Variants in AGTPBP1 observed in about 807,000 individuals in gnomAD.
The protein encoded by AGTPBP1 is ATP/GTP binding carboxypeptidase 1.
Under a neutral mutation model 143.9 loss-of-function variants are expected in AGTPBP1, and 70 were observed. That is an observed-to-expected ratio of 0.49 (90% CI 0.40 to 0.59). AGTPBP1 has a LOEUF of 0.59. Ranked by LOEUF, AGTPBP1 falls within the 20% of genes least tolerant of loss-of-function variation. The pLI is 0.00. For synonymous variants in AGTPBP1, 463 were observed against 500.2 expected (o/e 0.93, Z 0.99); for missense variants, 1,229 against 1,464.5 (o/e 0.84, Z 2.62).
chr9:85,670,409 T>G (rs1834411585), intron 7 of AGTPBP1, among the ~76,000 whole-genome samples: 1 of 152,132 alleles, frequency 6.6e-6, no homozygotes, highest in South Asian at 2.1e-4. Context: ...AAAGACACAT[T>G]AGGAGGCTAT....
intron 25 of AGTPBP1, among the ~76,000 whole-genome samples, chr9:85,554,512 G>A (rs762146994): frequency 2.0e-5 from 3 of 152,184 alleles, no homozygotes; most frequent in Non-Finnish European, 4.4e-5. Context: ...AGCTTACAAA[G>A]CCAGGAGGAG....
intron 3 of AGTPBP1, among the ~76,000 whole-genome samples, chr9:85,686,757 A>C (rs528106871): frequency 1.3e-5 from 2 of 152,198 alleles, no homozygotes; most frequent in Non-Finnish European, 2.9e-5. Flanking sequence ...CACTGTAAAA[A>C]GATGCACATT....
At chr9:85,694,293 T>C (rs1035294102) in intron 2 of AGTPBP1, among the ~76,000 whole-genome samples, 4 of 152,188 alleles carry the variant, frequency 2.6e-5, no homozygotes, top group Non-Finnish European at 2.9e-5. Flanking sequence ...ATACTTTCTC[T>C]GATCCCTCAT....
intron 17 of AGTPBP1, among the ~76,000 whole-genome samples, chr9:85,603,117 G>A (rs1286235501): frequency 6.6e-6 from 1 of 152,182 alleles, no homozygotes; most frequent in Non-Finnish European, 1.5e-5. Context: ...AAGTCCTGGT[G>A]CTATGCTGGG....
chr9:85,609,101 G>T (rs1040685484), intron 17 of AGTPBP1, among the ~76,000 whole-genome samples: 1 of 152,108 alleles, frequency 6.6e-6, no homozygotes, highest in African/African-American at 2.4e-5. Flanking sequence ...TAATCTCATG[G>T]AGTGTATGTG....
chr9:85,754,050 G>A, the AGTPBP1 span, among the ~76,000 whole-genome samples: 3 of 152,088 alleles, frequency 2.0e-5, no homozygotes, highest in South Asian at 6.2e-4. Flanking sequence ...CCAGAAATGT[G>A]CTGTATTTTT....
At position 85,550,194 on chromosome 9, in the gene AGTPBP1, T is replaced by TGA. The variant is rs761030919; in HGVS notation, c.3504-2910_3504-2909dup. On this transcript the variant is annotated intron_variant, in intron 25 of 25. Coordinates refer to ENST00000357081, the MANE Select transcript of AGTPBP1 (RefSeq NM_001330701.2). ...AAGAGTTTGTGAGTGTGTGTGTGTG[T>TGA]GAGAGAGAGAGAGAGAGAGAGAGAA... Among the ~76,000 whole-genome samples, 300 of 129,266 alleles carry TGA rather than the reference T, an allele frequency of 2.3e-3. 5 individuals carry two copies. The highest frequency in any genetic ancestry group is 0.017 in the South Asian group (65 of 3,746). The allele number at this position is 129,266 out of a possible 152,430, so 84.8% of individuals were successfully genotyped here. A position where few individuals can be genotyped will look rare whatever the true frequency, so the allele number is the denominator to read the frequency against.
the AGTPBP1 span, among the ~76,000 whole-genome samples, chr9:85,802,380 T>C: frequency 1.3e-5 from 2 of 152,152 alleles, no homozygotes; most frequent in Non-Finnish European, 2.9e-5. Context: ...TCAGTCCTGG[T>C]TACTGCCAAA....
At position 85,571,287 on chromosome 9, in the gene AGTPBP1, C is replaced by T. The variant is rs576627371; in HGVS notation, c.3503+4028G>A. Among the ~76,000 whole-genome samples the T allele has an allele frequency of 3.0e-4, 46 of 152,214 alleles. 1 individual carries two copies. In the Middle Eastern group the frequency reaches 0.01, roughly 34 times the overall value. ...TTGAAGAAATGATTGATGATTCCAACCCTGAGATAAAGAACATGCAGTGAT... is the reference window on the plus strand; with the variant it reads ...TTGAAGAAATGATTGATGATTCCAATCCTGAGATAAAGAACATGCAGTGAT... On this transcript the variant is annotated intron_variant, in intron 25 of 25. Coordinates refer to ENST00000357081, the MANE Select transcript of AGTPBP1 (RefSeq NM_001330701.2).
chr9:85,713,455 C>A (rs187638606), intron 1 of AGTPBP1, among the ~76,000 whole-genome samples: 72 of 152,184 alleles, frequency 4.7e-4, no homozygotes, highest in African/African-American at 1.7e-3. Context: ...CACTTGAACC[C>A]GGGAGGTGGA....
chr9:85,624,388 T>C (rs1831141984), intron 14 of AGTPBP1, among the ~76,000 whole-genome samples: 1 of 152,144 alleles, frequency 6.6e-6, no homozygotes, highest in Non-Finnish European at 1.5e-5. Context: ...TTCTGTAAAA[T>C]AAGAAAAATA....
chr9:85,695,846 C>CTTT (rs754228578), intron 2 of AGTPBP1, among the ~76,000 whole-genome samples: 1 of 145,354 alleles, frequency 6.9e-6, no homozygotes, highest in African/African-American at 2.5e-5. Context: ...TTTTCTTTTA[C>CTTT]TTTTTTTTTT....
At chr9:85,786,388 A>C in the AGTPBP1 span, 1 of 1,614,130 alleles carries the variant, frequency 6.2e-7, no homozygotes, top group Non-Finnish European at 8.5e-7. Flanking sequence ...GTCGACTGTC[A>C]TCCCAAATTC....
chr9:85,755,248 A>G, the AGTPBP1 span, among the ~76,000 whole-genome samples: 1 of 152,118 alleles, frequency 6.6e-6, no homozygotes, highest in African/African-American at 2.4e-5. Flanking sequence ...AAATAATACT[A>G]TATGGATTTC....
chr9:85,668,354 T>C (rs1009140970), intron 8 of AGTPBP1, among the ~76,000 whole-genome samples: 2 of 151,654 alleles, frequency 1.3e-5, no homozygotes, highest in African/African-American at 4.8e-5. Context: ...TAAGTAAGTA[T>C]CAGGAGGGAG....
the AGTPBP1 span, among the ~76,000 whole-genome samples, chr9:85,765,507 T>TTTAG: frequency 6.6e-6 from 1 of 152,132 alleles, no homozygotes; most frequent in African/African-American, 2.4e-5. Context: ...AAACTATAGT[T>TTTAG]TTAGTTATAG....
intron 1 of AGTPBP1, among the ~76,000 whole-genome samples, chr9:85,725,411 G>A (rs62570615): frequency 0.015 from 2,263 of 152,236 alleles, 25 homozygotes; most frequent in Middle Eastern, 0.037. Flanking sequence ...ATGTGGTAGT[G>A]CACAGTAAAA....
chr9:85,626,181 G>A (rs1440887311), intron 14 of AGTPBP1, among the ~76,000 whole-genome samples: 1 of 152,074 alleles, frequency 6.6e-6, no homozygotes, highest in East Asian at 1.9e-4. Context: ...ATGTTAGTGT[G>A]CTATCTACAT....
At chr9:85,679,484 T>G (rs1835037115) in intron 4 of AGTPBP1, among the ~76,000 whole-genome samples, 1 of 152,136 alleles carries the variant, frequency 6.6e-6, no homozygotes, top group Non-Finnish European at 1.5e-5. Flanking sequence ...CTCGGCTCAC[T>G]GCAAGCTCCG....
Sources: gnomAD v4.1 joint callset for allele counts (sites outside exome capture counted in the v4.1 genomes callset) on GRCh38, gnomAD v4.1.1 for gene constraint, MANE v1.5 for transcripts, NCBI Gene and HGNC (gene_info 2026-07-23, HGNC 2026-07-21) for gene names.